FAT3: variants seen among roughly 807,000 people sequenced by gnomAD.
FAT3 encodes FAT atypical cadherin 3.
Under a neutral mutation model 310.2 loss-of-function variants are expected in FAT3, and 95 were observed. The ratio of observed to expected loss-of-function variants is 0.31; its 90% CI spans 0.26 to 0.36. The LOEUF (loss-of-function observed/expected upper bound fraction) is 0.36. Ranked by LOEUF, FAT3 falls within the 10% of genes least tolerant of loss-of-function variation. The pLI is 1.00. For synonymous variants in FAT3, 2,314 were observed against 2,192.9 expected, an observed-to-expected ratio of 1.06 and a Z score of -1.54; for missense variants, 5,408 against 5,715.6, an observed-to-expected ratio of 0.95 and a Z score of 1.74.
At chr11:92,709,634 C>T (rs1410059466) in intron 4 of FAT3, among the ~76,000 whole-genome samples, 2 of 152,272 alleles carry the variant, frequency 1.3e-5, no homozygotes, top group South Asian at 2.1e-4. Context: ...GTTTAGGGCT[C>T]CAGGTAATCC....
At chr11:92,564,992 C>T (rs545316058) in intron 3 of FAT3, among the ~76,000 whole-genome samples, 20 of 144,896 alleles carry the variant, frequency 1.4e-4, no homozygotes, top group Non-Finnish European at 1.8e-4. Flanking sequence ...GAAGCAAGAG[C>T]GAACACATTC....
At chr11:92,857,514 A>G (rs561545803) in intron 20 of FAT3, among the ~76,000 whole-genome samples, 166 bp downstream of exon 20, 1 of 152,364 alleles carries the variant, frequency 6.6e-6, no homozygotes, top group South Asian at 2.1e-4. Context: ...TTTACTTAGG[A>G]TTTATCACAG....
chr11:92,848,301 G>A (rs139137843), intron 19 of FAT3, among the ~76,000 whole-genome samples: 244 of 152,252 alleles, frequency 1.6e-3, no homozygotes, highest in Admixed American at 5.0e-3. Context: ...AACAAGCATC[G>A]TGTCTGAACA....
chr11:92,538,031 T>A (rs1045614005), intron 3 of FAT3, among the ~76,000 whole-genome samples: 3 of 152,164 alleles, frequency 2.0e-5, no homozygotes, highest in Non-Finnish European at 2.9e-5. Flanking sequence ...TTATCTTTCA[T>A]TTGTGAAATT....
intron 4 of FAT3, among the ~76,000 whole-genome samples, chr11:92,708,525 C>T (rs1944427536): frequency 6.6e-6 from 1 of 152,220 alleles, no homozygotes; most frequent in Non-Finnish European, 1.5e-5. Context: ...GATATTTACA[C>T]TGCACATGCA....
At chr11:92,815,560 G>A (rs576481583) in intron 13 of FAT3, among the ~76,000 whole-genome samples, 2 of 152,012 alleles carry the variant, frequency 1.3e-5, no homozygotes, top group South Asian at 2.1e-4. Flanking sequence ...GAGACAGAGC[G>A]AGACTCCATC....
At chr11:92,589,689 A>G (rs558444799) in intron 3 of FAT3, among the ~76,000 whole-genome samples, 2 of 151,340 alleles carry the variant, frequency 1.3e-5, no homozygotes, top group Non-Finnish European at 3.0e-5. Context: ...TCTCCCCCAC[A>G]CCCCGCCACC....
intron 1 of FAT3, among the ~76,000 whole-genome samples, chr11:92,282,454 C>A (rs1490962436): frequency 6.6e-6 from 1 of 152,040 alleles, no homozygotes; most frequent in East Asian, 1.9e-4. Flanking sequence ...CACCTGAGGT[C>A]AGGCGTTCGA....
chr11:92,385,963 C>T (rs1212770466), intron 2 of FAT3, among the ~76,000 whole-genome samples: 5 of 151,874 alleles, frequency 3.3e-5, no homozygotes, highest in African/African-American at 2.4e-5. Context: ...CTGGGCAACG[C>T]GGTGACACCC....
chr11:92,262,779 G>A (rs563007347), intron 1 of FAT3, among the ~76,000 whole-genome samples: 8 of 152,220 alleles, frequency 5.3e-5, no homozygotes, highest in African/African-American at 1.9e-4. Flanking sequence ...CAGAATACGG[G>A]ATGGGTTGAC....
At chr11:92,408,013 GA>G (rs1950169709) in intron 2 of FAT3, 1 of 144,468 alleles carries the variant, frequency 6.9e-6, no homozygotes, top group South Asian at 2.1e-4. Flanking sequence ...TGCTGTAACA[GA>G]ATACCACAGA....
At chr11:92,694,154 A>G (rs572920704) in intron 3 of FAT3, among the ~76,000 whole-genome samples, 1 of 152,324 alleles carries the variant, frequency 6.6e-6, no homozygotes, top group East Asian at 1.9e-4. Flanking sequence ...CATAGTCTGT[A>G]ATTTTAGAAC....
rs993675515 is a variant in FAT3 at position 92,669,357 on chromosome 11, T to G, written c.3608-28027T>G. On this transcript the variant is annotated intron_variant, in intron 3 of 27. Coordinates refer to ENST00000525166, the MANE Select transcript of FAT3 (RefSeq NM_001367949.2). Reference sequence around the variant, plus strand: ...CAAAATGCATACTACACAGCTATAGTGCAAATTGAATGAAATAACTGGTGC... The same window carrying G: ...CAAAATGCATACTACACAGCTATAGGGCAAATTGAATGAAATAACTGGTGC... Among the ~76,000 whole-genome samples, 4 of 152,244 alleles carry G rather than the reference T, an allele frequency of 2.6e-5. 1 individual carries two copies. The highest frequency in any genetic ancestry group is 9.6e-5 in the African/African-American group (4 of 41,470).
At chr11:92,327,038 T>C (rs1947786086) in intron 1 of FAT3, among the ~76,000 whole-genome samples, 2 of 152,178 alleles carry the variant, frequency 1.3e-5, no homozygotes, top group South Asian at 4.1e-4. Flanking sequence ...ATAATCAGAA[T>C]TTTAAGATAT....
chr11:92,305,608 A>G (rs1947097762), intron 1 of FAT3, among the ~76,000 whole-genome samples: 1 of 152,166 alleles, frequency 6.6e-6, no homozygotes, highest in African/African-American at 2.4e-5. Flanking sequence ...ACTAATACAT[A>G]TCAATATTGT....
chr11:92,838,880 A>G (rs908225492), intron 17 of FAT3, among the ~76,000 whole-genome samples: 2 of 152,124 alleles, frequency 1.3e-5, no homozygotes, highest in Non-Finnish European at 2.9e-5. Flanking sequence ...CCCCTTTGTC[A>G]GCGAAATCTG....
chr11:92,854,030 A>T (rs1347053366), intron 19 of FAT3, among the ~76,000 whole-genome samples: 3 of 151,722 alleles, frequency 2.0e-5, no homozygotes, highest in Non-Finnish European at 4.4e-5. Context: ...CAGGCTGTTC[A>T]TTTTCTGAAG....
chr11:92,532,604 G>T (rs1274233923), intron 3 of FAT3, among the ~76,000 whole-genome samples: 1 of 152,116 alleles, frequency 6.6e-6, no homozygotes, highest in African/African-American at 2.4e-5. Flanking sequence ...CAGAATACAT[G>T]TGAATTAAGT....
intron 1 of FAT3, among the ~76,000 whole-genome samples, chr11:92,338,609 C>T (rs927525684): frequency 2.0e-5 from 3 of 152,156 alleles, no homozygotes; most frequent in Non-Finnish European, 4.4e-5. Flanking sequence ...GAAAATTATG[C>T]GAGCCTCTGG....
Sources: gnomAD v4.1 joint callset for allele counts (sites outside exome capture counted in the v4.1 genomes callset) on GRCh38, gnomAD v4.1.1 for gene constraint, MANE v1.5 for transcripts, NCBI Gene and HGNC (gene_info 2026-07-23, HGNC 2026-07-21) for gene names.